RABEPK: variants seen among roughly 807,000 people sequenced by gnomAD.
RABEPK encodes Rab9 effector protein with kelch motifs.
Under a neutral mutation model 34.1 loss-of-function variants are expected in RABEPK, and 27 were observed. The ratio of observed to expected loss-of-function variants is 0.79; its 90% CI spans 0.58 to 1.09. The LOEUF (loss-of-function observed/expected upper bound fraction) is 1.09. RABEPK is among the 50% of genes least tolerant of loss of function. The probability of loss-of-function intolerance (pLI) is 0.00; values close to 1 mark genes in which losing one functional copy is unlikely to be tolerated. For missense variants in RABEPK, 449 were observed against 462.6 expected (o/e 0.97, Z 0.27); for synonymous variants, 172 against 169.2 (o/e 1.02, Z -0.13).
intron 6 of RABEPK, among the ~76,000 whole-genome samples, chr9:125,230,233 G>C (rs986103363): frequency 2.0e-5 from 3 of 152,102 alleles, no homozygotes; most frequent in Non-Finnish European, 4.4e-5. Flanking sequence ...CAAAGTGCTG[G>C]GATTATAGGC....
At chr9:125,208,813 G>A (rs1564175783) in intron 3 of RABEPK, among the ~76,000 whole-genome samples, 1 of 151,700 alleles carries the variant, frequency 6.6e-6, no homozygotes, top group Non-Finnish European at 1.5e-5. Flanking sequence ...GGGATTACAG[G>A]TATGAGCCAC....
intron 3 of RABEPK, among the ~76,000 whole-genome samples, chr9:125,209,184 C>T (rs1830433674): frequency 6.6e-6 from 1 of 151,552 alleles, no homozygotes; most frequent in African/African-American, 2.4e-5. Context: ...CCTCAGCCTC[C>T]TAAATAGCTG....
intron 5 of RABEPK, among the ~76,000 whole-genome samples, chr9:125,224,654 C>T (rs1241476228): frequency 1.3e-5 from 2 of 152,034 alleles, no homozygotes; most frequent in African/African-American, 4.8e-5. Flanking sequence ...TGGGGTTTTA[C>T]TGTGTTAGTC....
At chr9:125,207,998 G>T (rs1443765004) in intron 3 of RABEPK, among the ~76,000 whole-genome samples, 1 of 152,072 alleles carries the variant, frequency 6.6e-6, no homozygotes, top group African/African-American at 2.4e-5. Flanking sequence ...GTGGTAGTGG[G>T]CACCTGTAGT....
At position 125,234,037 on chromosome 9, in the gene RABEPK, T is replaced by C; in HGVS notation, c.*57T>C. ...CTTTCAGAATAGTTAAGTAAAACAT[T>C]AGCTGTTTTATACCTCCAAAATATC... On this transcript the variant is annotated 3_prime_UTR_variant, in exon 8 of 8. Transcript: ENST00000373538. 1.4e-6 allele frequency: 2 copies of C among 1,439,314 alleles called. No homozygotes were observed. 89.2% of individuals were successfully genotyped at this position (1,439,314 alleles called of 1,614,324 possible).
At chr9:125,233,421 T>C (rs964897958) in intron 7 of RABEPK, among the ~76,000 whole-genome samples, 19 of 146,860 alleles carry the variant, frequency 1.3e-4, no homozygotes, top group Non-Finnish European at 2.8e-4. Context: ...TCACTGCAAG[T>C]TCCACCTCCT....
At chr9:125,224,889 T>C (rs1476509864) in intron 5 of RABEPK, among the ~76,000 whole-genome samples, 1 of 152,168 alleles carries the variant, frequency 6.6e-6, no homozygotes, top group East Asian at 1.9e-4. Flanking sequence ...TATCCTATAC[T>C]GCCACATCAG....
chr9:125,225,117 G>A (rs780467441), intron 5 of RABEPK, among the ~76,000 whole-genome samples: 6 of 152,160 alleles, frequency 3.9e-5, no homozygotes, highest in Non-Finnish European at 8.8e-5. Context: ...GGGTGTGGTG[G>A]CTGACACCTG....
chr9:125,207,082 T>C, intron 2 of RABEPK, among the ~76,000 whole-genome samples: 1 of 140,226 alleles, frequency 7.1e-6, no homozygotes, highest in Admixed American at 7.3e-5. Context: ...AGAGCAAAAC[T>C]CCATCTTAAA....
intron 4 of RABEPK, among the ~76,000 whole-genome samples, chr9:125,219,203 T>TG (rs1352463066): frequency 6.7e-6 from 1 of 149,510 alleles, no homozygotes; most frequent in African/African-American, 2.5e-5. Context: ...TTCTTTCTTT[T>TG]TTTTTTTTTT....
At chr9:125,206,636 T>C (rs1830243183) in intron 2 of RABEPK, among the ~76,000 whole-genome samples, 1 of 152,180 alleles carries the variant, frequency 6.6e-6, no homozygotes, top group Non-Finnish European at 1.5e-5. Flanking sequence ...TTCTGGATAA[T>C]TTTTTTGATG....
intron 2 of RABEPK, among the ~76,000 whole-genome samples, chr9:125,205,140 C>T (rs1467355032): frequency 6.6e-6 from 1 of 152,004 alleles, no homozygotes; most frequent in African/African-American, 2.4e-5. Flanking sequence ...CTAATTTCTA[C>T]TCATACTTCA....
intron 6 of RABEPK, among the ~76,000 whole-genome samples, chr9:125,230,225 A>G (rs538569611): frequency 1.3e-5 from 2 of 152,168 alleles, no homozygotes; most frequent in East Asian, 3.9e-4. Context: ...TGGCCTCTCA[A>G]AGTGCTGGGA....
At chr9:125,228,805 T>TA (rs1554732065) in intron 6 of RABEPK, among the ~76,000 whole-genome samples, 1 of 145,724 alleles carries the variant, frequency 6.9e-6, no homozygotes, top group Admixed American at 6.9e-5. Context: ...CTACTAAAAA[T>TA]AAAAAAAATT....
intron 4 of RABEPK, among the ~76,000 whole-genome samples, chr9:125,217,477 T>C (rs897273612): frequency 6.6e-6 from 1 of 152,146 alleles, no homozygotes; most frequent in East Asian, 1.9e-4. Flanking sequence ...CTCAGCTCAC[T>C]GCATCCTCCA....
rs1275606279 is a variant in RABEPK, at chr9:125,207,644, C to G, written c.134C>G (p.Ala45Gly). The G allele has an allele frequency of 6.2e-7, 1 of 1,614,096 alleles. No individual in the cohort carries two copies. The highest frequency in any genetic ancestry group is 1.7e-5 in the Admixed American group (1 of 60,016). The change falls in exon 3 of 8, where the codon GCC becomes GGC. Residue 45 changes from alanine to glycine, a missense_variant. By Grantham distance (60) the Ala-to-Gly change is moderately conservative. Coordinates refer to ENST00000373538, the MANE Select transcript of RABEPK (RefSeq NM_005833.4). Reference sequence around the variant, plus strand: ...TCATATTTACCCCCAGTTGGTAATGCCAAGAGAGGGAAGGTCTTCATTGTT... The same window carrying G: ...TCATATTTACCCCCAGTTGGTAATGGCAAGAGAGGGAAGGTCTTCATTGTT... ...SCSYLPPVGN[A>G]KRGKVFIVGG... is the part of the protein sequence containing the mutation.
intron 5 of RABEPK, among the ~76,000 whole-genome samples, chr9:125,224,557 A>G (rs986505455): frequency 1.3e-5 from 2 of 151,520 alleles, no homozygotes; most frequent in African/African-American, 2.4e-5. Context: ...GGTTCAAGCA[A>G]TTCTCCTGCC....
intron 1 of RABEPK, 25 bp downstream of exon 1, chr9:125,200,931 AATCT>A: frequency 2.2e-6 from 1 of 451,284 alleles, no homozygotes; most frequent in Non-Finnish European, 4.6e-6. Flanking sequence ...TTCATCTCTC[AATCT>A]ATTTTCTTTC....
chr9:125,217,532 C>CT (rs1831006829), intron 4 of RABEPK, among the ~76,000 whole-genome samples: 2 of 152,106 alleles, frequency 1.3e-5, no homozygotes, highest in Non-Finnish European at 1.5e-5. Context: ...TCTCGAGTAG[C>CT]TGGGATTACA....
Sources: gnomAD v4.1 joint callset for allele counts (sites outside exome capture counted in the v4.1 genomes callset) on GRCh38, gnomAD v4.1.1 for gene constraint, MANE v1.5 for transcripts, NCBI Gene and HGNC (gene_info 2026-07-23, HGNC 2026-07-21) for gene names.